MPP2: variants seen among roughly 807,000 people sequenced by gnomAD.
The protein encoded by MPP2 is MAGUK p55 subfamily member 2.
Under a neutral mutation model 58.5 loss-of-function variants are expected in MPP2, and 42 were observed. The ratio of observed to expected loss-of-function variants is 0.72; its 90% CI spans 0.56 to 0.93. MPP2 has a LOEUF of 0.93. MPP2 is among the 40% of genes least tolerant of loss of function. The pLI is 0.00. For synonymous variants in MPP2, 300 were observed against 307.8 expected, an observed-to-expected ratio of 0.97 and a Z score of 0.26; for missense variants, 632 against 760.4, an observed-to-expected ratio of 0.83 and a Z score of 1.99.
Position 43,876,110 on chromosome 17 carries a change from T to C in MPP2, c.*1697A>G, listed in dbSNP as rs2046818507. On this transcript the variant is annotated 3_prime_UTR_variant, in exon 13 of 13. Coordinates refer to ENST00000269095, the MANE Select transcript of MPP2 (RefSeq NM_005374.5). ...GCCTGGCCTTTCCACCCCATGTGTA[T>C]AGTCTATGCAAATGCAAATGAGATT... The C allele has an allele frequency of 6.5e-6, 1 of 152,680 alleles. No homozygotes were observed. Among genetic ancestry groups the C allele is most frequent in the African/African-American group, 2.4e-5 (1 of 41,460 alleles). 9.5% of individuals were successfully genotyped at this position (152,680 alleles called of 1,614,324 possible).
At chr17:43,907,756 G>T, upstream of MPP2, 1 of 985,546 alleles carries the variant, frequency 1.0e-6, no homozygotes, top group South Asian at 4.7e-5. Context: ...GGTTAGGGAG[G>T]CAGGACTGGT....
In MPP2 at chr17:43,882,438, T is replaced by A; in HGVS notation, c.527A>T (p.Gln176Leu). 6.2e-7 allele frequency: 1 copy of A among 1,610,386 alleles called. No individual in the cohort carries two copies. The highest frequency in any genetic ancestry group is 8.5e-7 in the Non-Finnish European group (1 of 1,179,958). The stretch of plus-strand genomic sequence containing the variant: ...GATGTCACCCACATGCAGCAGGCCT[T>A]GTTGAGCCACCATGCCCCCATGCAG... ...RILHGGMVAQ[Q>L]GLLHVGDIIK... The change falls in exon 6 of 13, where the codon CAA (glutamine) becomes CTA (leucine). Residue 176 changes from glutamine (Q) to leucine (L), a missense_variant. Coordinates refer to ENST00000269095, the MANE Select transcript of MPP2 (RefSeq NM_005374.5).
intron 3 of MPP2, among the ~76,000 whole-genome samples, chr17:43,896,712 G>A (rs2047862577): frequency 6.6e-6 from 1 of 152,092 alleles, no homozygotes; most frequent in South Asian, 2.1e-4. Flanking sequence ...CACCTGACAT[G>A]GACAGTCGAG....
Position 43,898,384 on chromosome 17 carries a change from G to C in MPP2, c.32-4C>G. 1 of 1,611,268 alleles carries C rather than the reference G, an allele frequency of 6.2e-7. No individual in the cohort carries two copies. The highest frequency in any genetic ancestry group is 8.5e-7 in the Non-Finnish European group (1 of 1,177,516). ...TTGTCCAGGACTTGCTGCATGGCTG[G>C]GGGAAGGTACGGGCAGTGAGATACA... On this transcript the variant is annotated splice_region_variant and splice_polypyrimidine_tract_variant and intron_variant, in intron 2 of 12. Transcript: ENST00000269095.
chr17:43,892,425 A>G (rs995917108), intron 3 of MPP2, among the ~76,000 whole-genome samples: 5 of 152,230 alleles, frequency 3.3e-5, no homozygotes, highest in African/African-American at 7.2e-5. Flanking sequence ...GGTGAGAAGG[A>G]GGAAGTAGGT....
Position 43,880,898 on chromosome 17 carries a change from GA to G in MPP2, c.989-47del. On this transcript the variant is annotated intron_variant, in intron 9 of 12. Transcript: ENST00000269095. The surrounding 1 kb of genome is among the most constrained non-coding windows in gnomAD (Gnocchi z 5.2). ...CTGCTCACCAGGCTGCACGGTGAGG[GA>G]GGGGCGGAGCTCTCAGGGAGGCTGA... The G allele has an allele frequency of 6.4e-7, 1 of 1,569,620 alleles. No homozygotes were observed. Among genetic ancestry groups the G allele is most frequent in the Non-Finnish European group, 8.7e-7 (1 of 1,155,494 alleles).
chr17:43,882,490 C>G lies in MPP2; in HGVS notation c.475G>C (p.Gly159Arg). The G allele has an allele frequency of 6.2e-7, 1 of 1,604,762 alleles. No homozygotes were observed. Among genetic ancestry groups the G allele is most frequent in the Non-Finnish European group, 8.5e-7 (1 of 1,179,902 alleles). Residue 159 changes from glycine to arginine, a missense_variant, in exon 6 of 13, where the codon GGC becomes CGC. Physicochemically the swap from Gly to Arg is moderately radical, Grantham distance 125 (BLOSUM62 -2). Coordinates refer to ENST00000269095, the MANE Select transcript of MPP2 (RefSeq NM_005374.5). ...EHLGVTFRVE[G>R]GELVIARILH... ...ATGCGCGCGATCACCAGCTCGCCGC[C>G]CTCCACGCGGAACGTTACACCCTGG...
intron 2 of MPP2, among the ~76,000 whole-genome samples, chr17:43,902,812 T>C (rs1642614): frequency 0.39 from 59,490 of 152,068 alleles, 13,108 homozygotes; most frequent in Middle Eastern, 0.53. Flanking sequence ...ACCATAGCAG[T>C]TCCCAGCTGC....
rs958641716 is a variant in MPP2 at position 43,875,642 on chromosome 17, G to A, written c.*2165C>T. The stretch of plus-strand genomic sequence containing the variant: ...AGCCAAGGACTGACAGCCTCTGCTA[G>A]GTACCTGGGAGGGCTGTGGAGTGAG... On this transcript the variant is annotated 3_prime_UTR_variant, in exon 13 of 13. Transcript: ENST00000269095. The A allele has an allele frequency of 7.4e-5, 11 of 148,534 alleles. No homozygotes were observed. The highest frequency in any genetic ancestry group is 2.9e-4 in the African/African-American group (11 of 38,232). The allele number at this position is 148,534 out of a possible 1,614,324, so 9.2% of individuals were successfully genotyped here. A position where few individuals can be genotyped will look rare whatever the true frequency, so the allele number is the denominator to read the frequency against.
chr17:43,878,323 C>T (rs143378842), intron 12 of MPP2, among the ~76,000 whole-genome samples: 45 of 152,320 alleles, frequency 3.0e-4, no homozygotes, highest in African/African-American at 1.1e-3. Flanking sequence ...CATAGCCAGT[C>T]AGTGGCTAAA....
chr17:43,902,210 GCAGGAGCCC>G (rs567180947), intron 2 of MPP2, among the ~76,000 whole-genome samples: 176 of 152,282 alleles, frequency 1.2e-3, no homozygotes, highest in African/African-American at 4.0e-3. Flanking sequence ...ATGAAGGGGA[GCAGGAGCCC>G]CAGGAGTCCT....
At chr17:43,878,122 C>T (rs549412148) in intron 12 of MPP2, 139 bp from the exon 13 acceptor site, 1 of 845,900 alleles carries the variant, frequency 1.2e-6, no homozygotes, top group Admixed American at 2.9e-5. Flanking sequence ...AGGCAGGGGC[C>T]CCTCTCTGCG....
rs908017799 is a variant in MPP2, at chr17:43,881,250, T to C, written c.913A>G (p.Asn305Asp). 1.9e-6 allele frequency: 3 copies of C among 1,613,778 alleles called. No individual in the cohort carries two copies. Among genetic ancestry groups the C allele is most frequent in the Non-Finnish European group, 2.5e-6 (3 of 1,179,922 alleles). Residue 305 changes from asparagine (N) to aspartate (D), a missense_variant, in exon 8 of 13, where the codon AAC becomes GAC. Transcript: ENST00000269095. Reference sequence around the variant, plus strand: ...GGTAGGGGGGACCTCCTACCTGAGTTTGGTGTCAGCTCCAGGTCCCTCTTG... The same window carrying C: ...GGTAGGGGGGACCTCCTACCTGAGTCTGGTGTCAGCTCCAGGTCCCTCTTG... ...FVKRDLELTPNSGTLCGSLSG... is the reference protein window; with the variant it reads ...FVKRDLELTPDSGTLCGSLSG...
At chr17:43,907,451 C>CCCGGGGG (rs1481150446) in intron 1 of MPP2, 23 bp downstream of exon 1, 1 of 985,504 alleles carries the variant, frequency 1.0e-6, no homozygotes, top group Non-Finnish European at 1.2e-6. Flanking sequence ...TAGGAGCTGG[C>CCCGGGGG]CCGGGGGCCG....
chr17:43,879,232 T>C lies in MPP2; in HGVS notation c.1482+43A>G. 1 of 1,578,442 alleles carries C rather than the reference T, an allele frequency of 6.3e-7. No individual in the cohort carries two copies. The highest frequency in any genetic ancestry group is 8.7e-7 in the Non-Finnish European group (1 of 1,155,798). ...AGCTCAGGCCTGTCCCCCACCACCC[T>C]AGGCAGCTATCAGACCCCTCCCCCA... is the stretch of plus-strand genomic sequence containing the variant. On this transcript the variant is annotated intron_variant, in intron 12 of 12. Transcript: ENST00000269095. The surrounding 1 kb of genome is among the most constrained non-coding windows in gnomAD (Gnocchi z 4.1).
chr17:43,889,808 TTTTTTTTTG>T (rs202021270), intron 3 of MPP2, among the ~76,000 whole-genome samples: 1,602 of 35,872 alleles, frequency 0.045, 66 homozygotes, highest in East Asian at 0.27. Context: ...CAAATGCGTT[TTTTTTTTTG>T]TTTTTTTTTT....
At chr17:43,897,832 C>T (rs1205486800) in intron 3 of MPP2, among the ~76,000 whole-genome samples, 1 of 152,190 alleles carries the variant, frequency 6.6e-6, no homozygotes. Flanking sequence ...CATAGTGTAT[C>T]CACCTCTATC....
upstream of MPP2, chr17:43,907,771 G>A: frequency 1.0e-6 from 1 of 985,496 alleles, no homozygotes; most frequent in Non-Finnish European, 1.2e-6. Context: ...ACTGGTACCA[G>A]TACCCGCTGG....
At chr17:43,907,793 T>C, upstream of MPP2, 2 of 985,394 alleles carry the variant, frequency 2.0e-6, no homozygotes, top group African/African-American at 1.7e-5. Context: ...GCCCCTCGGC[T>C]CCCAAGGATC....
Sources: gnomAD v4.1 joint callset for allele counts (sites outside exome capture counted in the v4.1 genomes callset) on GRCh38, gnomAD v4.1.1 for gene constraint, Gnocchi (gnomAD v3.1) non-coding constraint, MANE v1.5 for transcripts, NCBI Gene and HGNC (gene_info 2026-07-23, HGNC 2026-07-21) for gene names.